The following MAP6D1 variants were observed in gnomAD, a reference collection of about 807,000 sequenced individuals.
MAP6D1 encodes the protein MAP6 domain-containing protein 1.
MAP6D1 carries 13 observed loss-of-function variants against 17.4 expected under a neutral mutation model. The ratio of observed to expected loss-of-function variants is 0.75; its 90% CI spans 0.49 to 1.19. MAP6D1 has a LOEUF of 1.19. Among genes scored for constraint, MAP6D1 ranks in the 50% most tolerant of loss-of-function variants. The pLI, the probability that MAP6D1 is intolerant of heterozygous loss-of-function variation, is 0.00. For missense variants in MAP6D1, 313 were observed against 312.6 expected, an observed-to-expected ratio of 1.00 and a Z score of -0.01; for synonymous variants, 141 against 145.7, an observed-to-expected ratio of 0.97 and a Z score of 0.23.
intron 1 of MAP6D1, among the ~76,000 whole-genome samples, 185 bp downstream of exon 1, chr3:183,824,962 C>T (rs1727345588): frequency 6.6e-6 from 1 of 152,220 alleles, no homozygotes. Context: ...GCAGCGAAGG[C>T]GCCGCCTGCA....
chr3:183,821,374 G>A (rs1169232752), intron 1 of MAP6D1, among the ~76,000 whole-genome samples: 2 of 152,138 alleles, frequency 1.3e-5, no homozygotes, highest in African/African-American at 4.8e-5. Context: ...TGTAGAATGG[G>A]GACGGCAAGC....
Position 183,816,219 on chromosome 3 carries a change from G to C in MAP6D1, c.*1137C>G, listed in dbSNP as rs1358356695. On this transcript the variant is annotated 3_prime_UTR_variant, in exon 3 of 3. Transcript: ENST00000318631. ...TCCCACCTGCACGTCTGGTGGCTCT[G>C]AGACCCGAGTGCCACCACCTGCAGC... The C allele has an allele frequency of 1.3e-5, 2 of 152,228 alleles. No individual in the cohort carries two copies. Among genetic ancestry groups the C allele is most frequent in the African/African-American group, 2.4e-5 (1 of 41,452 alleles). 9.4% of individuals were successfully genotyped at this position (152,228 alleles called of 1,614,324 possible). A position where few individuals can be genotyped will look rare whatever the true frequency, so the allele number is the denominator to read the frequency against.
intron 1 of MAP6D1, among the ~76,000 whole-genome samples, chr3:183,824,169 C>T (rs1419115154): frequency 6.6e-6 from 1 of 152,216 alleles, no homozygotes; most frequent in Non-Finnish European, 1.5e-5. Flanking sequence ...CGCTCCTGAG[C>T]TCCCACCCTA....
Position 183,825,136 on chromosome 3 carries a change from C to A in MAP6D1, c.401+11G>T. 4 of 1,417,422 alleles carry A rather than the reference C, an allele frequency of 2.8e-6. No individual in the cohort carries two copies. The highest frequency in any genetic ancestry group is 3.7e-6 in the Non-Finnish European group (4 of 1,080,516). The allele number at this position is 1,417,422 out of a possible 1,614,324, so 87.8% of individuals were successfully genotyped here. A position where few individuals can be genotyped will look rare whatever the true frequency, so the allele number is the denominator to read the frequency against. The stretch of plus-strand genomic sequence containing the variant: ...GGTGGGGACTCGTTGCGGTCCCTAC[C>A]CAGCCCATACCTGTACGACGTGGTC... On this transcript the variant is annotated intron_variant, in intron 1 of 2. Transcript: ENST00000318631.
chr3:183,819,261 C>T (rs988512068), intron 1 of MAP6D1, among the ~76,000 whole-genome samples: 1 of 152,264 alleles, frequency 6.6e-6, no homozygotes, highest in African/African-American at 2.4e-5. Context: ...GAGAGCTAGG[C>T]CGGGGCCCCG....
At position 183,817,528 on chromosome 3, in the gene MAP6D1, C is replaced by T. The variant is rs1727146183; in HGVS notation, c.520-92G>A. On this transcript the variant is annotated intron_variant, in intron 2 of 2. Coordinates refer to ENST00000318631, the MANE Select transcript of MAP6D1 (RefSeq NM_024871.4). Reference sequence around the variant, plus strand: ...CCAGCTCCAGGAAAAAATCCCCTCCCATCCTCTGCATCCTCCAGGAGTTGA... The same window carrying T: ...CCAGCTCCAGGAAAAAATCCCCTCCTATCCTCTGCATCCTCCAGGAGTTGA... 2.7e-6 allele frequency: 3 copies of T among 1,108,052 alleles called. No homozygotes were observed. The Admixed American group carries it at 6.6e-5, about 25-fold the overall frequency. 68.6% of individuals were successfully genotyped at this position (1,108,052 alleles called of 1,614,324 possible).
intron 1 of MAP6D1, among the ~76,000 whole-genome samples, chr3:183,824,714 C>A (rs1212688216): frequency 3.3e-5 from 5 of 152,226 alleles, no homozygotes; most frequent in African/African-American, 1.2e-4. Flanking sequence ...CCACACGGGA[C>A]CCTGCGCTCG....
chr3:183,824,803 G>A lies in MAP6D1; in HGVS notation c.401+344C>T, dbSNP rs558461419. ...CATGGCCTGCGCGCACCCCTCGCACGGCTAGGCCCGGCGGTGGGAGTTAAA... is the reference window on the plus strand; with the variant it reads ...CATGGCCTGCGCGCACCCCTCGCACAGCTAGGCCCGGCGGTGGGAGTTAAA... On this transcript the variant is annotated intron_variant, in intron 1 of 2. Transcript: ENST00000318631. 3.3e-5 allele frequency among the ~76,000 whole-genome samples: 5 copies of A among 152,358 alleles called. No individual in the cohort carries two copies. In the South Asian group the frequency reaches 1.0e-3, roughly 32 times the overall value.
intron 2 of MAP6D1, among the ~76,000 whole-genome samples, chr3:183,817,663 C>T (rs1453787073): frequency 1.3e-5 from 2 of 152,092 alleles, no homozygotes; most frequent in Non-Finnish European, 2.9e-5. Context: ...ACTTGGGAAT[C>T]GGAGCTGAGA....
intron 1 of MAP6D1, among the ~76,000 whole-genome samples, chr3:183,823,079 C>T (rs895673853): frequency 2.0e-5 from 3 of 152,202 alleles, no homozygotes; most frequent in African/African-American, 7.2e-5. Context: ...ACTGCAGCCT[C>T]GACCTCGCAG....
chr3:183,822,161 C>T (rs1419392834), intron 1 of MAP6D1, among the ~76,000 whole-genome samples: 1 of 151,832 alleles, frequency 6.6e-6, no homozygotes, highest in Non-Finnish European at 1.5e-5. Context: ...AATTCCAGCA[C>T]TTTGGGAGGC....
chr3:183,825,132 CTA>C lies in MAP6D1; in HGVS notation c.401+13_401+14del, dbSNP rs756052676. ...ACAGGGTGGGGACTCGTTGCGGTCC[CTA>C]CCCAGCCCATACCTGTACGACGTGG... On this transcript the variant is annotated intron_variant, in intron 1 of 2. Coordinates refer to ENST00000318631, the MANE Select transcript of MAP6D1 (RefSeq NM_024871.4). 2,888 of 1,404,678 alleles carry C rather than the reference CTA, an allele frequency of 2.1e-3. 4 individuals are homozygous for C. The highest frequency in any genetic ancestry group is 2.5e-3 in the Non-Finnish European group (2,639 of 1,073,446). The allele number at this position is 1,404,678 out of a possible 1,614,324, so 87.0% of individuals were successfully genotyped here. A position where few individuals can be genotyped will look rare whatever the true frequency, so the allele number is the denominator to read the frequency against.
In MAP6D1 at chr3:183,817,191, G is replaced by A; in HGVS notation, c.*165C>T. 1.5e-6 allele frequency: 1 copy of A among 651,592 alleles called. No homozygotes were observed. The highest frequency in any genetic ancestry group is 2.7e-6 in the Non-Finnish European group (1 of 373,072). 40.4% of individuals were successfully genotyped at this position (651,592 alleles called of 1,614,324 possible). A position where few individuals can be genotyped will look rare whatever the true frequency, so the allele number is the denominator to read the frequency against. ...AGCTGGGTGTGCCAAGTCCATCGGTGCATCTGCTCCACACCAGCACTTTGG... is the reference window on the plus strand; with the variant it reads ...AGCTGGGTGTGCCAAGTCCATCGGTACATCTGCTCCACACCAGCACTTTGG... On this transcript the variant is annotated 3_prime_UTR_variant, in exon 3 of 3. Coordinates refer to ENST00000318631, the MANE Select transcript of MAP6D1 (RefSeq NM_024871.4).
chr3:183,820,764 A>T (rs373410056), intron 1 of MAP6D1, among the ~76,000 whole-genome samples: 1 of 151,798 alleles, frequency 6.6e-6, no homozygotes, highest in Non-Finnish European at 1.5e-5. Flanking sequence ...AAAATTAGCC[A>T]GGCATGGTGG....
At chr3:183,818,220 C>T in intron 1 of MAP6D1, 109 bp from the exon 2 acceptor site, 1 of 888,012 alleles carries the variant, frequency 1.1e-6, no homozygotes, top group Non-Finnish European at 1.8e-6. Flanking sequence ...TTGCTGAAAC[C>T]CTCGGCTCCA....
Position 183,816,248 on chromosome 3 carries a change from A to C in MAP6D1, c.*1108T>G, listed in dbSNP as rs1185963318. 6.6e-6 allele frequency: 1 copy of C among 152,204 alleles called. No homozygotes were observed. The highest frequency in any genetic ancestry group is 6.6e-5 in the Admixed American group (1 of 15,264). 9.4% of individuals were successfully genotyped at this position (152,204 alleles called of 1,614,324 possible). ...CCCGAGTGCCACCACCTGCAGCTTA[A>C]ATGCTCGTCTCACTAGAGCCACTTG... On this transcript the variant is annotated 3_prime_UTR_variant, in exon 3 of 3. Coordinates refer to ENST00000318631, the MANE Select transcript of MAP6D1 (RefSeq NM_024871.4).
In MAP6D1 at chr3:183,825,405, G is replaced by T. The variant is rs1166307553; in HGVS notation, c.143C>A (p.Ser48Ter). 3.1e-5 allele frequency: 45 copies of T among 1,443,672 alleles called. No individual in the cohort carries two copies. Among genetic ancestry groups the T allele is most frequent in the Non-Finnish European group, 3.4e-5 (38 of 1,102,856 alleles). The allele number at this position is 1,443,672 out of a possible 1,614,324, so 89.4% of individuals were successfully genotyped here. Residue 48 changes from serine (S) to a stop codon, truncating the protein, a stop_gained, in exon 1 of 3, where the codon TCG (serine) becomes TAG (stop). Coordinates refer to ENST00000318631, the MANE Select transcript of MAP6D1 (RefSeq NM_024871.4). LOFTEE classifies it high-confidence loss of function. ...GCCCGCGGGAGGCTGGCCCCTGCGC[G>T]AGGCGGCGCCGCCCGTGCCCGGCTC... The part of the protein sequence containing the change: ...SEEPGTGGAA[S>*]RRGQPPAGAR...
chr3:183,817,938 A>C, intron 2 of MAP6D1, 56 bp downstream of exon 2: 359 of 1,248,056 alleles, frequency 2.9e-4, no homozygotes, highest in Non-Finnish European at 3.9e-4. Flanking sequence ...CCTAATCCCT[A>C]CCCGGGGAAA....
At chr3:183,820,752 T>C (rs1260495397) in intron 1 of MAP6D1, among the ~76,000 whole-genome samples, 5 of 149,272 alleles carry the variant, frequency 3.3e-5, no homozygotes, top group Admixed American at 6.7e-5. Flanking sequence ...AAAAAATACA[T>C]AAAAATTAGC....
Sources: gnomAD v4.1 joint callset for allele counts (sites outside exome capture counted in the v4.1 genomes callset) on GRCh38, gnomAD v4.1.1 for gene constraint, MANE v1.5 for transcripts, NCBI Gene and HGNC (gene_info 2026-07-23, HGNC 2026-07-21) for gene names.